The following RGS6 variants were observed in gnomAD, a reference collection of about 807,000 sequenced individuals.
RGS6 encodes regulator of G-protein signaling 6.
RGS6 carries 30 observed loss-of-function variants against 78.5 expected under a neutral mutation model. The ratio of observed to expected loss-of-function variants is 0.38; its 90% CI spans 0.29 to 0.52. RGS6 has a LOEUF of 0.52. RGS6 is among the 20% of genes least tolerant of loss of function. RGS6 has a pLI of 0.85. For missense variants in RGS6, 495 were observed against 609.7 expected, an observed-to-expected ratio of 0.81 and a Z score of 1.98; for synonymous variants, 206 against 206.0, an observed-to-expected ratio of 1.00 and a Z score of 0.00.
downstream of RGS6, among the ~76,000 whole-genome samples, chr14:72,567,867 G>A (rs139169315): frequency 4.0e-4 from 61 of 152,318 alleles, no homozygotes; most frequent in African/African-American, 1.4e-3. Flanking sequence ...GACCCCCGTC[G>A]TGGGACTTCC....
intron 3 of RGS6, among the ~76,000 whole-genome samples, chr14:72,383,088 C>T (rs1394664481): frequency 6.8e-6 from 1 of 147,722 alleles, no homozygotes; most frequent in Admixed American, 6.9e-5. Flanking sequence ...TACATATATG[C>T]TTATGTTGCA....
intron 3 of RGS6, among the ~76,000 whole-genome samples, chr14:72,400,894 A>G (rs2092312633): frequency 6.6e-6 from 1 of 151,308 alleles, no homozygotes; most frequent in Admixed American, 6.6e-5. Context: ...GTTCCCAAGC[A>G]GGAGGAGTGA....
intron 2 of RGS6, among the ~76,000 whole-genome samples, chr14:72,103,077 C>T (rs543485912): frequency 6.6e-6 from 1 of 152,348 alleles, no homozygotes; most frequent in Non-Finnish European, 1.5e-5. Context: ...TTATTTCAGA[C>T]TTAGGAAATA....
At chr14:72,370,794 AC>A (rs1338283870) in intron 3 of RGS6, among the ~76,000 whole-genome samples, 3 of 152,186 alleles carry the variant, frequency 2.0e-5, no homozygotes, top group Non-Finnish European at 2.9e-5. Flanking sequence ...TCTTCTTAGC[AC>A]TTTTCTGTTT....
chr14:72,591,554 G>A, the RGS6 span, among the ~76,000 whole-genome samples: 8 of 152,192 alleles, frequency 5.3e-5, no homozygotes, highest in Admixed American at 5.2e-4. Context: ...AGGAACACTT[G>A]TGGCATTAAG....
chr14:72,052,967 TTCTTTCTTTCTTTCTTTCTCTCTC>T (rs1200330084), intron 2 of RGS6, among the ~76,000 whole-genome samples: 6 of 45,444 alleles, frequency 1.3e-4, no homozygotes, highest in South Asian at 9.1e-4. Context: ...CTTTCTTTCT[TTCTTTCTTTCTTTCTTTCTCTCTC>T]TCTCTCTCTC....
chr14:72,009,467 G>A (rs776775375), intron 2 of RGS6, among the ~76,000 whole-genome samples: 2 of 152,250 alleles, frequency 1.3e-5, no homozygotes, highest in Non-Finnish European at 2.9e-5. Context: ...CCCATGCTGT[G>A]TGATTCCACA....
In RGS6 at chr14:72,458,421, A is replaced by G. The variant is rs367656579; in HGVS notation, c.342+44A>G. On this transcript the variant is annotated intron_variant, in intron 5 of 17. Transcript: ENST00000553525. ...CCTCCTGAAGAACCTTTTCTTCACAACATCATCTGATCTTAGGTTAGAACT... is the reference window on the plus strand; with the variant it reads ...CCTCCTGAAGAACCTTTTCTTCACAGCATCATCTGATCTTAGGTTAGAACT... 6 of 1,390,916 alleles carry G rather than the reference A, an allele frequency of 4.3e-6. No individual in the cohort carries two copies. The East Asian group carries it at 1.1e-4, about 26-fold the overall frequency. The allele number at this position is 1,390,916 out of a possible 1,614,324, so 86.2% of individuals were successfully genotyped here.
chr14:72,325,157 G>A (rs561943256), intron 2 of RGS6, among the ~76,000 whole-genome samples: 21 of 152,216 alleles, frequency 1.4e-4, no homozygotes, highest in East Asian at 5.8e-4. Context: ...GTCTTCTTTC[G>A]AGAAGTATCT....
chr14:71,973,080 G>GT (rs913827131), intron 2 of RGS6, among the ~76,000 whole-genome samples: 3 of 152,150 alleles, frequency 2.0e-5, no homozygotes, highest in African/African-American at 7.2e-5. Context: ...ATGGCCATGC[G>GT]TAAGTTGTTC....
At chr14:72,212,388 C>T (rs188873422) in intron 2 of RGS6, among the ~76,000 whole-genome samples, 1 of 152,226 alleles carries the variant, frequency 6.6e-6, no homozygotes, top group East Asian at 1.9e-4. Context: ...CCAACAATGT[C>T]AACAGAGAGG....
the RGS6 span, among the ~76,000 whole-genome samples, chr14:71,925,971 T>G: frequency 6.6e-6 from 1 of 152,130 alleles, no homozygotes; most frequent in African/African-American, 2.4e-5. Flanking sequence ...GTAAAAGATC[T>G]GTACATAGAA....
intron 3 of RGS6, among the ~76,000 whole-genome samples, chr14:72,431,677 T>C (rs898066495): frequency 1.3e-5 from 2 of 152,132 alleles, no homozygotes; most frequent in African/African-American, 4.8e-5. Context: ...TTTATACTTA[T>C]CTTTCTCCTA....
chr14:72,059,890 A>C (rs998824506), intron 2 of RGS6, among the ~76,000 whole-genome samples: 2 of 152,186 alleles, frequency 1.3e-5, no homozygotes, highest in Non-Finnish European at 2.9e-5. Flanking sequence ...TCCAGGCTTG[A>C]GAACTGTGTT....
At chr14:72,618,568 A>T in the RGS6 span, among the ~76,000 whole-genome samples, 1 of 152,190 alleles carries the variant, frequency 6.6e-6, no homozygotes, top group South Asian at 2.1e-4. Flanking sequence ...CCCGATGGAT[A>T]ACAAGTACTG....
chr14:71,902,080 A>AAAATT, the RGS6 span, among the ~76,000 whole-genome samples: 1 of 150,948 alleles, frequency 6.6e-6, no homozygotes, highest in South Asian at 2.1e-4. Flanking sequence ...GAGGAGAAAA[A>AAAATT]ACCTGGAGAA....
the RGS6 span, among the ~76,000 whole-genome samples, chr14:72,627,131 G>C: frequency 5.3e-5 from 8 of 152,018 alleles, no homozygotes; most frequent in East Asian, 1.4e-3. Flanking sequence ...ACTTTATCAT[G>C]TTTTTGACTA....
At chr14:72,577,886 A>C in the RGS6 span, among the ~76,000 whole-genome samples, 1 of 152,200 alleles carries the variant, frequency 6.6e-6, no homozygotes, top group African/African-American at 2.4e-5. Context: ...CCCAGAATAC[A>C]TCTCGCTTTA....
intron 1 of RGS6, among the ~76,000 whole-genome samples, chr14:71,959,067 T>C (rs1163036831): frequency 1.3e-5 from 2 of 152,220 alleles, no homozygotes; most frequent in Admixed American, 1.3e-4. Context: ...TGCCGTACTT[T>C]AAGATCTTGG....
Sources: allele counts gnomAD v4.1 joint callset (sites outside exome capture counted in the v4.1 genomes callset), GRCh38; gene constraint gnomAD v4.1.1; transcripts MANE v1.5; gene names NCBI Gene and HGNC (gene_info 2026-07-23, HGNC 2026-07-21).